Variants in NBAS observed in about 807,000 individuals in gnomAD.
NBAS encodes NAG/BC035112 fusion.
In NBAS, 219 loss-of-function variants were observed where a neutral mutation model predicts 302.5. That is an observed-to-expected ratio of 0.72 (90% CI 0.65 to 0.81). NBAS has a LOEUF of 0.81. NBAS is among the 30% of genes least tolerant of loss of function. The pLI, the probability that NBAS is intolerant of heterozygous loss-of-function variation, is 0.00. For synonymous variants in NBAS, 1,118 were observed against 1,021.6 expected, an observed-to-expected ratio of 1.09 and a Z score of -1.80; for missense variants, 2,932 against 2,841.6, an observed-to-expected ratio of 1.03 and a Z score of -0.72.
chr2:15,534,143 T>A (rs11892720), intron 9 of NBAS, among the ~76,000 whole-genome samples: 1 of 152,012 alleles, frequency 6.6e-6, no homozygotes, highest in East Asian at 1.9e-4. Flanking sequence ...GCAACATCAG[T>A]GCAGCGGTAA....
intron 51 of NBAS, among the ~76,000 whole-genome samples, chr2:15,172,996 G>GCA (rs1195144576): frequency 6.6e-6 from 1 of 152,146 alleles, no homozygotes; most frequent in East Asian, 1.9e-4. Flanking sequence ...TAAGTGCCCA[G>GCA]CACAATGCCA....
chr2:14,901,431 A>G, the NBAS span, among the ~76,000 whole-genome samples: 11 of 105,540 alleles, frequency 1.0e-4, no homozygotes, highest in African/African-American at 3.9e-4. Flanking sequence ...AGAAAGACTC[A>G]GGTAATTTTA....
chr2:14,842,854 A>C, the NBAS span, among the ~76,000 whole-genome samples: 2 of 150,826 alleles, frequency 1.3e-5, no homozygotes, highest in East Asian at 3.9e-4. Flanking sequence ...GACAAAAAAA[A>C]AAAAAAAAAA....
chr2:15,214,427 G>C (rs1441565264), intron 48 of NBAS, among the ~76,000 whole-genome samples: 2 of 152,186 alleles, frequency 1.3e-5, no homozygotes, highest in Non-Finnish European at 2.9e-5. Context: ...TTTAGAAAAG[G>C]AAACATTTAA....
At chr2:15,178,586 T>C (rs921146231) in intron 51 of NBAS, among the ~76,000 whole-genome samples, 7 of 152,164 alleles carry the variant, frequency 4.6e-5, no homozygotes, top group African/African-American at 1.7e-4. Context: ...CTTTAATTAG[T>C]GGATAACCTA....
chr2:15,233,402 C>T (rs1395551231), intron 46 of NBAS, among the ~76,000 whole-genome samples: 2 of 152,098 alleles, frequency 1.3e-5, no homozygotes, highest in African/African-American at 2.4e-5. Flanking sequence ...ACTATTCCAT[C>T]GTATTTTAAT....
chr2:15,256,980 A>G (rs1266601053), intron 44 of NBAS, among the ~76,000 whole-genome samples: 1 of 152,176 alleles, frequency 6.6e-6, no homozygotes, highest in Non-Finnish European at 1.5e-5. Flanking sequence ...TTTTGCATCT[A>G]TGATCATCAG....
the NBAS span, among the ~76,000 whole-genome samples, chr2:15,097,995 GTA>G: frequency 3.5e-4 from 31 of 88,574 alleles, no homozygotes; most frequent in African/African-American, 1.4e-3. Context: ...ATATTATATT[GTA>G]TATAATATAT....
intron 19 of NBAS, among the ~76,000 whole-genome samples, chr2:15,465,878 TATC>T (rs1408717554): frequency 6.6e-6 from 1 of 152,202 alleles, no homozygotes; most frequent in Non-Finnish European, 1.5e-5. Flanking sequence ...TTAAAAAAGA[TATC>T]ATTAGAGAAA....
intron 44 of NBAS, among the ~76,000 whole-genome samples, chr2:15,252,363 T>C (rs1309019460): frequency 2.0e-5 from 3 of 152,012 alleles, no homozygotes; most frequent in African/African-American, 7.3e-5. Flanking sequence ...CCGGGCGTGG[T>C]GGCGCGTGCC....
Position 15,479,778 on chromosome 2 carries a change from A to T in NBAS, c.1084-1489T>A, listed in dbSNP as rs114106082. On this transcript the variant is annotated intron_variant, in intron 12 of 51. Transcript: ENST00000281513. ...CCTGCACACTGCTTAAATAATGGGC[A>T]GCTCCTGTCAATTTGACATTAAACA... 5.7e-3 allele frequency among the ~76,000 whole-genome samples: 870 copies of T among 152,330 alleles called. 2 individuals are homozygous for T. The highest frequency in any genetic ancestry group is 8.1e-3 in the Non-Finnish European group (553 of 68,040).
At chr2:15,102,285 GGC>G in the NBAS span, among the ~76,000 whole-genome samples, 2 of 152,168 alleles carry the variant, frequency 1.3e-5, no homozygotes, top group Non-Finnish European at 2.9e-5. Flanking sequence ...TGAGTTGAAT[GGC>G]TGGGACTATT....
chr2:15,439,632 T>C (rs1324653091), intron 21 of NBAS, among the ~76,000 whole-genome samples: 1 of 152,074 alleles, frequency 6.6e-6, no homozygotes, highest in Non-Finnish European at 1.5e-5. Flanking sequence ...TTCATCTCAC[T>C]AGGGAGTGCC....
chr2:15,472,205 G>C (rs185828019), intron 16 of NBAS, among the ~76,000 whole-genome samples: 1 of 152,176 alleles, frequency 6.6e-6, no homozygotes, highest in East Asian at 1.9e-4. Context: ...CAAAGGAAGA[G>C]GCTCTGCTTT....
chr2:15,183,167 G>T (rs955622249), intron 50 of NBAS, among the ~76,000 whole-genome samples: 1 of 152,120 alleles, frequency 6.6e-6, no homozygotes, highest in Non-Finnish European at 1.5e-5. Context: ...AAAAGATACT[G>T]CCACTTTTTA....
the NBAS span, among the ~76,000 whole-genome samples, chr2:14,813,387 G>A: frequency 6.6e-6 from 1 of 152,124 alleles, no homozygotes; most frequent in South Asian, 2.1e-4. Flanking sequence ...AGGCTGAGAG[G>A]GTCTCAGATG....
At chr2:15,104,425 C>G in the NBAS span, among the ~76,000 whole-genome samples, 2 of 152,104 alleles carry the variant, frequency 1.3e-5, no homozygotes, top group African/African-American at 4.8e-5. Context: ...CTCTTCTAGG[C>G]TCTGGAGATA....
chr2:14,858,287 T>C, the NBAS span, among the ~76,000 whole-genome samples: 9 of 152,212 alleles, frequency 5.9e-5, no homozygotes, highest in Admixed American at 2.6e-4. Context: ...AGTTACCATA[T>C]CATTCAACAA....
intron 43 of NBAS, among the ~76,000 whole-genome samples, chr2:15,276,547 T>C (rs977786558): frequency 6.6e-6 from 1 of 152,136 alleles, no homozygotes; most frequent in Non-Finnish European, 1.5e-5. Flanking sequence ...TTTATATACA[T>C]AAAATATAAT....
Sources: gnomAD v4.1 joint callset for allele counts (sites outside exome capture counted in the v4.1 genomes callset) on GRCh38, gnomAD v4.1.1 for gene constraint, MANE v1.5 for transcripts, NCBI Gene and HGNC (gene_info 2026-07-23, HGNC 2026-07-21) for gene names.